The following FHIT variants were observed in gnomAD, a reference collection of about 807,000 sequenced individuals.
FHIT encodes fragile histidine triad diadenosine triphosphatase.
A neutral mutation model predicts 17.9 loss-of-function variants in FHIT; 19 were observed. The ratio of observed to expected loss-of-function variants is 1.06; its 90% CI spans 0.74 to 1.56. The LOEUF (loss-of-function observed/expected upper bound fraction) is 1.56. Among genes scored for constraint, FHIT ranks in the 40% most tolerant of loss-of-function variants. The probability of loss-of-function intolerance (pLI) is 0.00; values close to 1 mark genes in which losing one functional copy is unlikely to be tolerated. For missense variants in FHIT, 248 were observed against 189.2 expected, an observed-to-expected ratio of 1.31 and a Z score of -1.82; for synonymous variants, 81 against 69.7, an observed-to-expected ratio of 1.16 and a Z score of -0.81.
At chr3:60,441,183 C>T (rs998247364) in intron 5 of FHIT, among the ~76,000 whole-genome samples, 1 of 151,996 alleles carries the variant, frequency 6.6e-6, no homozygotes, top group Non-Finnish European at 1.5e-5. Flanking sequence ...ACAGAAGGGA[C>T]CTAATTCTGA....
intron 5 of FHIT, among the ~76,000 whole-genome samples, chr3:60,521,348 C>T (rs1040613845): frequency 1.2e-4 from 18 of 152,224 alleles, no homozygotes; most frequent in South Asian, 4.2e-4. Flanking sequence ...CCCAGATTCA[C>T]GCCATTCTCC....
chr3:60,859,422 G>A (rs551001603), intron 3 of FHIT, among the ~76,000 whole-genome samples: 16 of 152,190 alleles, frequency 1.1e-4, no homozygotes, highest in African/African-American at 3.4e-4. Context: ...TGCACAGGTA[G>A]ACCGCATTTC....
chr3:60,118,992 G>T (rs934219636), intron 5 of FHIT, among the ~76,000 whole-genome samples: 10 of 151,330 alleles, frequency 6.6e-5, no homozygotes, highest in African/African-American at 2.4e-4. Flanking sequence ...CTGCACTCCA[G>T]CCTGGGCAAC....
At chr3:60,469,460 G>A (rs536254047) in intron 5 of FHIT, among the ~76,000 whole-genome samples, 2 of 152,024 alleles carry the variant, frequency 1.3e-5, no homozygotes. Context: ...TTCTTCAGTA[G>A]GCCAGCTGCA....
At chr3:60,553,458 ATTT>A in intron 4 of FHIT, 1 of 348,604 alleles carries the variant, frequency 2.9e-6, no homozygotes, top group Non-Finnish European at 4.0e-6. Context: ...ATATATATAT[ATTT>A]TATATTTATT....
intron 5 of FHIT, among the ~76,000 whole-genome samples, chr3:60,082,263 T>A (rs921362400): frequency 6.6e-6 from 1 of 152,098 alleles, no homozygotes; most frequent in African/African-American, 2.4e-5. Context: ...CTTAGGATAA[T>A]GACCTGCAGC....
intron 1 of FHIT, among the ~76,000 whole-genome samples, chr3:61,246,427 C>T (rs948862295): frequency 4.6e-5 from 7 of 152,282 alleles, no homozygotes; most frequent in Admixed American, 1.3e-4. Context: ...TAATACAATA[C>T]ATAGCTATAC....
At chr3:60,058,136 T>C (rs1007522257) in intron 5 of FHIT, among the ~76,000 whole-genome samples, 2 of 122,132 alleles carry the variant, frequency 1.6e-5, no homozygotes, top group Non-Finnish European at 3.6e-5. Context: ...TTGTGTTTTT[T>C]TTTTTTTTTT....
intron 5 of FHIT, among the ~76,000 whole-genome samples, chr3:60,275,640 C>A (rs1576406025): frequency 6.6e-6 from 1 of 152,174 alleles, no homozygotes; most frequent in African/African-American, 2.4e-5. Flanking sequence ...CACACACACA[C>A]ACACACACCT....
At chr3:59,931,567 A>G (rs115957365) in intron 7 of FHIT, among the ~76,000 whole-genome samples, 1,620 of 152,306 alleles carry the variant, frequency 0.011, 29 homozygotes, top group African/African-American at 0.037. Context: ...ATGCTCAGGC[A>G]GTTGGTATGC....
chr3:60,450,380 T>C (rs1226754761), intron 5 of FHIT, among the ~76,000 whole-genome samples: 1 of 152,068 alleles, frequency 6.6e-6, no homozygotes, highest in Non-Finnish European at 1.5e-5. Context: ...TATATGTGTA[T>C]ATATCCCCAA....
At chr3:60,617,243 A>C (rs532708561) in intron 4 of FHIT, 1 of 166,412 alleles carries the variant, frequency 6.0e-6, no homozygotes, top group African/African-American at 2.4e-5. Flanking sequence ...ATGATATCAG[A>C]TCTTGATACT....
At chr3:60,867,645 C>A (rs1304856474) in intron 3 of FHIT, among the ~76,000 whole-genome samples, 2 of 152,152 alleles carry the variant, frequency 1.3e-5, no homozygotes, top group Non-Finnish European at 2.9e-5. Flanking sequence ...ACTAGCTCTA[C>A]TTAGTGGGGC....
intron 5 of FHIT, among the ~76,000 whole-genome samples, chr3:60,357,701 A>G (rs1699733537): frequency 6.6e-6 from 1 of 152,192 alleles, no homozygotes; most frequent in African/African-American, 2.4e-5. Flanking sequence ...TAGGCATATT[A>G]TTCTCTGTAG....
chr3:60,181,523 T>C (rs1223836496), intron 5 of FHIT, among the ~76,000 whole-genome samples: 2 of 152,132 alleles, frequency 1.3e-5, no homozygotes, highest in Non-Finnish European at 2.9e-5. Context: ...CAAGGATATA[T>C]AGCTATAGGC....
At chr3:59,780,936 A>G (rs745891710) in intron 8 of FHIT, among the ~76,000 whole-genome samples, 24 of 152,220 alleles carry the variant, frequency 1.6e-4, no homozygotes, top group Non-Finnish European at 2.5e-4. Flanking sequence ...GATAAATTAT[A>G]TATCTATTTT....
chr3:60,902,133 ATCCCAAAAAGT>A (rs782736494), intron 3 of FHIT, among the ~76,000 whole-genome samples: 10 of 152,214 alleles, frequency 6.6e-5, no homozygotes, highest in Non-Finnish European at 1.5e-4. Flanking sequence ...CATTTCTATC[ATCCCAAAAAGT>A]TCCCATGTAC....
chr3:60,386,410 T>C (rs1701014076), intron 5 of FHIT, among the ~76,000 whole-genome samples: 1 of 152,204 alleles, frequency 6.6e-6, no homozygotes, highest in Non-Finnish European at 1.5e-5. Flanking sequence ...GCAATGACTA[T>C]CGAAGTGCAG....
At chr3:60,397,182 G>T (rs1701478864) in intron 5 of FHIT, among the ~76,000 whole-genome samples, 1 of 152,140 alleles carries the variant, frequency 6.6e-6, no homozygotes, top group African/African-American at 2.4e-5. Flanking sequence ...AGAAAAGAAG[G>T]GTAACTTTTA....
Sources: allele counts gnomAD v4.1 joint callset (sites outside exome capture counted in the v4.1 genomes callset), GRCh38; gene constraint gnomAD v4.1.1; transcripts MANE v1.5; gene names NCBI Gene and HGNC (gene_info 2026-07-23, HGNC 2026-07-21).